DLGAP1: variants seen among roughly 807,000 people sequenced by gnomAD.
DLGAP1 encodes the protein DLG associated protein 1, also known as disks large-associated protein 1.
DLGAP1 carries 11 observed loss-of-function variants against 90.8 expected under a neutral mutation model. That is an observed-to-expected ratio of 0.12 (90% CI 0.08 to 0.20). The LOEUF (loss-of-function observed/expected upper bound fraction) is 0.20, where lower values mean the gene tolerates loss of function less well. Among genes scored for constraint, DLGAP1 ranks in the 10% least tolerant of loss-of-function variants. The pLI is 1.00. For synonymous variants in DLGAP1, 558 were observed against 540.7 expected, an observed-to-expected ratio of 1.03 and a Z score of -0.44; for missense variants, 1,050 against 1,333.8, an observed-to-expected ratio of 0.79 and a Z score of 3.31.
At chr18:3,998,865 C>T (rs1032818595) in intron 3 of DLGAP1, among the ~76,000 whole-genome samples, 76 of 152,142 alleles carry the variant, frequency 5.0e-4, no homozygotes, top group Admixed American at 4.7e-3. Context: ...TGATAACATT[C>T]CGCTAAAACA....
chr18:3,614,207 C>T (rs908869379), intron 7 of DLGAP1, among the ~76,000 whole-genome samples: 11 of 151,880 alleles, frequency 7.2e-5, no homozygotes, highest in Non-Finnish European at 1.2e-4. Flanking sequence ...GGCGAGCCAC[C>T]GTGCCTGGCC....
chr18:4,216,299 C>G (rs924397854), intron 1 of DLGAP1, among the ~76,000 whole-genome samples: 27 of 152,048 alleles, frequency 1.8e-4, no homozygotes, highest in Middle Eastern at 6.8e-3. Flanking sequence ...TTACCCCCCC[C>G]CCACCAGGTC....
intron 7 of DLGAP1, among the ~76,000 whole-genome samples, chr18:3,635,600 C>T (rs2058689389): frequency 6.6e-6 from 1 of 151,538 alleles, no homozygotes; most frequent in South Asian, 2.1e-4. Context: ...AATGAGAATA[C>T]TCACCAGCAG....
intron 3 of DLGAP1, among the ~76,000 whole-genome samples, chr18:3,920,578 TAGC>T (rs2072248528): frequency 6.6e-6 from 1 of 152,026 alleles, no homozygotes; most frequent in Non-Finnish European, 1.5e-5. Context: ...TTTTCCCCAA[TAGC>T]TAGGAGGTAA....
At chr18:3,738,448 C>G (rs1156595588) in intron 6 of DLGAP1, among the ~76,000 whole-genome samples, 2 of 147,468 alleles carry the variant, frequency 1.4e-5, no homozygotes, top group African/African-American at 5.1e-5. Context: ...TGGAACAGAA[C>G]AGAGCCCTCA....
chr18:3,561,911 G>A (rs1333283750), intron 9 of DLGAP1, among the ~76,000 whole-genome samples: 1 of 150,774 alleles, frequency 6.6e-6, no homozygotes, highest in East Asian at 1.9e-4. Context: ...AAGGTGAAAA[G>A]CACATGTCAC....
chr18:4,354,296 C>A (rs1170715332), intron 1 of DLGAP1, among the ~76,000 whole-genome samples: 1 of 152,146 alleles, frequency 6.6e-6, no homozygotes, highest in Non-Finnish European at 1.5e-5. Flanking sequence ...TTACTCTAAC[C>A]TTCCTCCACC....
chr18:4,382,768 T>C (rs894562942), intron 1 of DLGAP1, among the ~76,000 whole-genome samples: 1 of 152,176 alleles, frequency 6.6e-6, no homozygotes, highest in Non-Finnish European at 1.5e-5. Flanking sequence ...TTTCATGCTA[T>C]CTCACATGTA....
In DLGAP1 at chr18:4,022,255, G is replaced by A. The variant is rs982518247; in HGVS notation, c.-158-17054C>T. ...TTTTATTATCGTCAATCCACAGAAT[G>A]CTTCTATTTTGTTTCATTTACTTTG... On this transcript the variant is annotated intron_variant, in intron 2 of 12. Transcript: ENST00000315677. Among the ~76,000 whole-genome samples the A allele has an allele frequency of 1.9e-4, 29 of 151,712 alleles. No homozygotes were observed. In the East Asian group the frequency reaches 5.4e-3, roughly 28 times the overall value.
chr18:3,933,035 C>T (rs1212131018), intron 3 of DLGAP1, among the ~76,000 whole-genome samples: 4 of 152,190 alleles, frequency 2.6e-5, no homozygotes, highest in African/African-American at 4.8e-5. Context: ...AAAATCTCTA[C>T]AGATTCCATG....
At chr18:4,098,917 A>G (rs915278165) in intron 2 of DLGAP1, among the ~76,000 whole-genome samples, 2 of 152,122 alleles carry the variant, frequency 1.3e-5, no homozygotes, top group African/African-American at 4.8e-5. Flanking sequence ...CTGAACATGA[A>G]CCTAAGGTTT....
chr18:4,348,750 C>A (rs2081351376), intron 1 of DLGAP1, among the ~76,000 whole-genome samples: 1 of 151,884 alleles, frequency 6.6e-6, no homozygotes, highest in African/African-American at 2.4e-5. Flanking sequence ...CCTGAAGGAG[C>A]CCCCAATGGC....
intron 7 of DLGAP1, among the ~76,000 whole-genome samples, chr18:3,588,561 C>A (rs1428292161): frequency 1.3e-5 from 2 of 151,858 alleles, no homozygotes; most frequent in African/African-American, 4.8e-5. Context: ...GCAGGTGGAT[C>A]ACAAGGTCAG....
chr18:4,449,657 G>A (rs958843669), intron 1 of DLGAP1, among the ~76,000 whole-genome samples: 1 of 152,120 alleles, frequency 6.6e-6, no homozygotes, highest in African/African-American at 2.4e-5. Context: ...TTGATCTCAC[G>A]GAATGCACAG....
chr18:4,387,268 G>T (rs566363958), intron 1 of DLGAP1, among the ~76,000 whole-genome samples: 1 of 152,072 alleles, frequency 6.6e-6, no homozygotes, highest in Admixed American at 6.5e-5. Context: ...ATTCTTTGGG[G>T]AGTAAAAAAA....
At chr18:4,344,363 G>C (rs996552038) in intron 1 of DLGAP1, among the ~76,000 whole-genome samples, 1 of 152,040 alleles carries the variant, frequency 6.6e-6, no homozygotes, top group African/African-American at 2.4e-5. Flanking sequence ...GATTTGAGAT[G>C]ATAAAATTTA....
chr18:4,003,693 A>C (rs184563695), intron 3 of DLGAP1, among the ~76,000 whole-genome samples: 530 of 152,300 alleles, frequency 3.5e-3, no homozygotes, highest in Non-Finnish European at 6.2e-3. Flanking sequence ...ACAGGAAGGC[A>C]GAGGGGCTGG....
At chr18:4,059,166 C>A (rs1015021323) in intron 2 of DLGAP1, among the ~76,000 whole-genome samples, 1 of 152,180 alleles carries the variant, frequency 6.6e-6, no homozygotes, top group Non-Finnish European at 1.5e-5. Context: ...CAAGATGGGA[C>A]CAAGGGTCCA....
intron 3 of DLGAP1, chr18:3,984,181 G>C (rs187439899): frequency 1.3e-5 from 2 of 152,196 alleles, no homozygotes; most frequent in African/African-American, 4.8e-5. Flanking sequence ...CCTTGATCTC[G>C]GACTTCAGCC....
Sources: allele counts gnomAD v4.1 joint callset (sites outside exome capture counted in the v4.1 genomes callset), GRCh38; gene constraint gnomAD v4.1.1; transcripts MANE v1.5; gene names NCBI Gene and HGNC (gene_info 2026-07-23, HGNC 2026-07-21).